HS6ST3: variants seen among roughly 807,000 people sequenced by gnomAD.
HS6ST3 encodes the protein heparan-sulfate 6-O-sulfotransferase 3.
HS6ST3 carries 12 observed loss-of-function variants against 36.7 expected under a neutral mutation model. The observed-to-expected ratio is 0.33, with a 90% confidence interval of 0.21 to 0.53. HS6ST3 has a LOEUF of 0.53. Ranked by LOEUF, HS6ST3 falls within the 20% of genes least tolerant of loss-of-function variation. The probability of loss-of-function intolerance (pLI) is 0.95; values close to 1 mark genes in which losing one functional copy is unlikely to be tolerated. For synonymous variants in HS6ST3, 240 were observed against 257.5 expected (o/e 0.93, Z 0.65); for missense variants, 584 against 640.9 (o/e 0.91, Z 0.96).
intron 1 of HS6ST3, among the ~76,000 whole-genome samples, chr13:96,790,932 T>C (rs1406622153): frequency 6.6e-6 from 1 of 152,088 alleles, no homozygotes; most frequent in African/African-American, 2.4e-5. Context: ...CCTATATGTG[T>C]AATAAAATTC....
At chr13:96,566,545 C>A (rs533045214) in intron 1 of HS6ST3, among the ~76,000 whole-genome samples, 1 of 152,096 alleles carries the variant, frequency 6.6e-6, no homozygotes, top group East Asian at 1.9e-4. Context: ...TGAGTTTATT[C>A]TTGAACGAGG....
At chr13:96,255,408 T>C (rs1208146542) in intron 1 of HS6ST3, among the ~76,000 whole-genome samples, 3 of 152,186 alleles carry the variant, frequency 2.0e-5, no homozygotes, top group Non-Finnish European at 2.9e-5. Context: ...GTATCAAGTA[T>C]ATTATATAGG....
intron 1 of HS6ST3, among the ~76,000 whole-genome samples, chr13:96,186,078 A>G (rs2054263817): frequency 6.6e-6 from 1 of 152,222 alleles, no homozygotes; most frequent in Non-Finnish European, 1.5e-5. Flanking sequence ...TTATATGCAT[A>G]TATGTGTATA....
At chr13:96,308,802 T>C (rs1410029486) in intron 1 of HS6ST3, among the ~76,000 whole-genome samples, 1 of 152,080 alleles carries the variant, frequency 6.6e-6, no homozygotes, top group Non-Finnish European at 1.5e-5. Flanking sequence ...AAAGATTCTA[T>C]CCATGACAAT....
chr13:96,096,688 A>C (rs1372530840), intron 1 of HS6ST3, among the ~76,000 whole-genome samples: 3 of 152,204 alleles, frequency 2.0e-5, no homozygotes, highest in African/African-American at 7.2e-5. Flanking sequence ...ATAAGTATAA[A>C]AAGATAAGAT....
chr13:96,627,224 G>T (rs1402751401), intron 1 of HS6ST3, among the ~76,000 whole-genome samples: 1 of 151,966 alleles, frequency 6.6e-6, no homozygotes, highest in Non-Finnish European at 1.5e-5. Context: ...ATATATTTTG[G>T]TTTGATTTAA....
At chr13:96,553,343 G>A (rs1023161586) in intron 1 of HS6ST3, among the ~76,000 whole-genome samples, 2 of 152,180 alleles carry the variant, frequency 1.3e-5, no homozygotes, top group African/African-American at 2.4e-5. Context: ...CATCTTCAAG[G>A]TGTGGACACT....
chr13:96,200,595 A>G lies in HS6ST3; in HGVS notation c.707+109026A>G, dbSNP rs533370244. ...CTAGTCCTCCTTACTCTGCTGTAGT[A>G]TTTCATTTTGGCACATTTTATAACT... is the stretch of plus-strand genomic sequence containing the variant. On this transcript the variant is annotated intron_variant, in intron 1 of 1. Coordinates refer to ENST00000376705, the MANE Select transcript of HS6ST3 (RefSeq NM_153456.4). Among the ~76,000 whole-genome samples, 185 of 152,146 alleles carry G rather than the reference A, an allele frequency of 1.2e-3. 1 individual carries two copies. The highest frequency in any genetic ancestry group is 4.3e-3 in the African/African-American group (178 of 41,488).
intron 1 of HS6ST3, among the ~76,000 whole-genome samples, chr13:96,715,672 T>C (rs764578021): frequency 1.3e-5 from 2 of 152,154 alleles, no homozygotes; most frequent in Non-Finnish European, 2.9e-5. Flanking sequence ...AGCTGAATAT[T>C]CCACTAATTG....
At chr13:96,357,988 G>A (rs1177588869) in intron 1 of HS6ST3, among the ~76,000 whole-genome samples, 1 of 152,138 alleles carries the variant, frequency 6.6e-6, no homozygotes, top group Non-Finnish European at 1.5e-5. Flanking sequence ...GTGAGCAGGT[G>A]CTGTTACAAA....
chr13:96,503,984 G>A (rs978740216), intron 1 of HS6ST3, among the ~76,000 whole-genome samples: 2 of 152,118 alleles, frequency 1.3e-5, no homozygotes, highest in Non-Finnish European at 2.9e-5. Context: ...TAAGCGAGAA[G>A]CAAGCTCTCT....
chr13:96,218,349 TG>T (rs1566291504), intron 1 of HS6ST3, among the ~76,000 whole-genome samples: 1 of 152,034 alleles, frequency 6.6e-6, no homozygotes, highest in Non-Finnish European at 1.5e-5. Flanking sequence ...AGTGGGAAGC[TG>T]GGGGGCAAGG....
intron 1 of HS6ST3, among the ~76,000 whole-genome samples, chr13:96,721,538 A>G (rs956898725): frequency 2.0e-5 from 3 of 152,236 alleles, no homozygotes; most frequent in Non-Finnish European, 2.9e-5. Context: ...AAACGAGCCA[A>G]TCTGGCCATG....
At chr13:96,739,256 T>A (rs967519382) in intron 1 of HS6ST3, among the ~76,000 whole-genome samples, 2 of 151,262 alleles carry the variant, frequency 1.3e-5, no homozygotes, top group Non-Finnish European at 3.0e-5. Flanking sequence ...TGTGTGTGTG[T>A]GTGTGTGTGT....
At chr13:96,739,546 G>A (rs538985719) in intron 1 of HS6ST3, among the ~76,000 whole-genome samples, 8 of 152,010 alleles carry the variant, frequency 5.3e-5, no homozygotes, top group South Asian at 2.1e-4. Flanking sequence ...GGCTAAAATC[G>A]TTAGAGTCAC....
At chr13:96,683,501 A>G (rs1231372539) in intron 1 of HS6ST3, among the ~76,000 whole-genome samples, 2 of 152,118 alleles carry the variant, frequency 1.3e-5, no homozygotes, top group African/African-American at 4.8e-5. Context: ...TTGGTTTAAT[A>G]CATTTATAAT....
chr13:96,136,539 TTA>T (rs1277711867), intron 1 of HS6ST3, among the ~76,000 whole-genome samples: 1 of 151,896 alleles, frequency 6.6e-6, no homozygotes, highest in East Asian at 1.9e-4. Flanking sequence ...GTTAAACCAT[TTA>T]TGAGAACTCC....
At chr13:96,386,692 C>G (rs1046626705) in intron 1 of HS6ST3, among the ~76,000 whole-genome samples, 1 of 152,068 alleles carries the variant, frequency 6.6e-6, no homozygotes, top group Non-Finnish European at 1.5e-5. Context: ...TGGTGAAACC[C>G]TGTCTCTACT....
intron 1 of HS6ST3, among the ~76,000 whole-genome samples, chr13:96,602,908 G>A (rs2056426617): frequency 6.6e-6 from 1 of 152,172 alleles, no homozygotes; most frequent in East Asian, 1.9e-4. Context: ...TCCTGGGTTT[G>A]AAAGATGGAT....
Sources: gnomAD v4.1 joint callset for allele counts (sites outside exome capture counted in the v4.1 genomes callset) on GRCh38, gnomAD v4.1.1 for gene constraint, MANE v1.5 for transcripts, NCBI Gene and HGNC (gene_info 2026-07-23, HGNC 2026-07-21) for gene names.